TCF20: variants seen among roughly 807,000 people sequenced by gnomAD.
TCF20 encodes SPRE-binding protein.
In TCF20, 3 loss-of-function variants were observed where a neutral mutation model predicts 148.6. The observed-to-expected ratio is 0.02, with a 90% CI of 0.01 to 0.05. TCF20 has a LOEUF of 0.05. TCF20 is among the 10% of genes least tolerant of loss of function. The pLI is 1.00. For missense variants in TCF20, 2,350 were observed against 2,429.3 expected, an observed-to-expected ratio of 0.97 and a Z score of 0.69; for synonymous variants, 1,049 against 909.5, an observed-to-expected ratio of 1.15 and a Z score of -2.76.
chr22:42,222,030 G>A (rs1301983219), intron 1 of TCF20, among the ~76,000 whole-genome samples: 4 of 151,996 alleles, frequency 2.6e-5, no homozygotes, highest in African/African-American at 7.3e-5. Flanking sequence ...GAGCCACCGC[G>A]CCCGGCCCCA....
intron 1 of TCF20, among the ~76,000 whole-genome samples, chr22:42,330,041 A>T (rs987934770): frequency 6.6e-6 from 1 of 152,140 alleles, no homozygotes; most frequent in Non-Finnish European, 1.5e-5. Flanking sequence ...ATCAGGCAAG[A>T]GCTTAAGGCC....
At chr22:42,168,096 T>C (rs999289758) in intron 5 of TCF20, among the ~76,000 whole-genome samples, 1 of 152,118 alleles carries the variant, frequency 6.6e-6, no homozygotes, top group Non-Finnish European at 1.5e-5. Flanking sequence ...TTTTCTTTCC[T>C]TTGTACTTCT....
upstream of TCF20, among the ~76,000 whole-genome samples, chr22:42,273,360 C>CAAAAAAAAAAAAAAAAAAAAAA: frequency 1.6e-5 from 1 of 61,266 alleles, no homozygotes; most frequent in Non-Finnish European, 2.9e-5. Context: ...AACTCCGTCT[C>CAAAAAAAAAAAAAAAAAAAAAA]AAAAAAAAAA....
intron 1 of TCF20, among the ~76,000 whole-genome samples, chr22:42,258,267 C>A (rs1194277985): frequency 3.3e-5 from 5 of 151,924 alleles, no homozygotes; most frequent in Admixed American, 6.6e-5. Context: ...TCCATACCTC[C>A]CCCCCCTTCC....
chr22:42,188,376 A>G (rs569328918), intron 2 of TCF20, among the ~76,000 whole-genome samples: 2 of 151,390 alleles, frequency 1.3e-5, no homozygotes, highest in Non-Finnish European at 2.9e-5. Context: ...CAATAATGTG[A>G]AGGTAACCCT....
chr22:42,175,630 T>A (rs969018622), intron 3 of TCF20, among the ~76,000 whole-genome samples: 2 of 151,462 alleles, frequency 1.3e-5, no homozygotes, highest in Non-Finnish European at 2.9e-5. Context: ...TGAGCCACCG[T>A]GCCTGGCCCA....
intron 1 of TCF20, among the ~76,000 whole-genome samples, chr22:42,310,461 C>T (rs1381305506): frequency 6.6e-6 from 1 of 151,474 alleles, no homozygotes; most frequent in Non-Finnish European, 1.5e-5. Context: ...GTAAGTGGTG[C>T]TAAGAGACTG....
At chr22:42,199,266 C>T (rs187356618) in intron 2 of TCF20, among the ~76,000 whole-genome samples, 1 of 152,236 alleles carries the variant, frequency 6.6e-6, no homozygotes. Context: ...CTCATCTAAA[C>T]CCTGTGGCCA....
intron 1 of TCF20, among the ~76,000 whole-genome samples, chr22:42,242,734 A>G (rs1305954970): frequency 6.6e-6 from 1 of 152,006 alleles, no homozygotes; most frequent in South Asian, 2.1e-4. Flanking sequence ...TAAAAATACA[A>G]AACTTGGCCA....
At chr22:42,318,573 G>A (rs749731407) in intron 1 of TCF20, among the ~76,000 whole-genome samples, 10 of 152,222 alleles carry the variant, frequency 6.6e-5, no homozygotes, top group South Asian at 4.1e-4. Context: ...GAGCAGGCCC[G>A]GGCCAGGCAG....
upstream of TCF20, among the ~76,000 whole-genome samples, chr22:42,272,408 T>C (rs1926656503): frequency 6.6e-6 from 1 of 152,236 alleles, no homozygotes; most frequent in Non-Finnish European, 1.5e-5. Context: ...TGAAGAAAGA[T>C]GAATCCTTTT....
At chr22:42,313,527 T>C (rs982305540) in intron 1 of TCF20, among the ~76,000 whole-genome samples, 8 of 151,740 alleles carry the variant, frequency 5.3e-5, no homozygotes, top group African/African-American at 1.9e-4. Context: ...TGGATACCTC[T>C]GGGGTTCTGT....
intron 1 of TCF20, among the ~76,000 whole-genome samples, chr22:42,289,387 T>C (rs1430015976): frequency 6.6e-6 from 1 of 152,218 alleles, no homozygotes; most frequent in Non-Finnish European, 1.5e-5. Flanking sequence ...TGGTGGCTGC[T>C]GAACTCAGGT....
Position 42,290,784 on chromosome 22 carries a change from A to G in TCF20, c.-37+52695T>C, listed in dbSNP as rs1927118961. Among the ~76,000 whole-genome samples, 1 of 152,194 alleles carries G rather than the reference A, an allele frequency of 6.6e-6. No homozygotes were observed. The highest frequency in any genetic ancestry group is 2.4e-5 in the African/African-American group (1 of 41,448). Reference sequence around the variant, plus strand: ...AAGGACAATTCAAGGCAATTCAAGGACGAGGTCAGCCTCCCAGAGCACACA... The same window carrying G: ...AAGGACAATTCAAGGCAATTCAAGGGCGAGGTCAGCCTCCCAGAGCACACA... On this transcript the variant is annotated intron_variant, in intron 1 of 1. Coordinates refer to the TCF20 transcript ENST00000515426. The surrounding 1 kb of genome is among the most constrained non-coding windows in gnomAD (Gnocchi z 4.2).
intron 1 of TCF20, among the ~76,000 whole-genome samples, chr22:42,262,103 G>C (rs892530067): frequency 6.6e-6 from 1 of 152,222 alleles, no homozygotes; most frequent in Non-Finnish European, 1.5e-5. Context: ...GAGGCAGGCA[G>C]AAGCCAGATT....
intron 1 of TCF20, among the ~76,000 whole-genome samples, chr22:42,248,853 C>T (rs1244780948): frequency 6.6e-6 from 1 of 152,168 alleles, no homozygotes; most frequent in Non-Finnish European, 1.5e-5. Flanking sequence ...AAGGAGATGC[C>T]TATGGGTACC....
At chr22:42,169,668 C>T (rs543990727) in intron 4 of TCF20, among the ~76,000 whole-genome samples, 179 bp downstream of exon 4, 1 of 152,160 alleles carries the variant, frequency 6.6e-6, no homozygotes. Flanking sequence ...CCCCATGCCA[C>T]GGGTCTCCCT....
chr22:42,291,118 T>C (rs922224344), intron 1 of TCF20, among the ~76,000 whole-genome samples: 1 of 152,106 alleles, frequency 6.6e-6, no homozygotes, highest in Non-Finnish European at 1.5e-5. Flanking sequence ...TGGGACTCCA[T>C]CTCCTCTTCT....
intron 1 of TCF20, among the ~76,000 whole-genome samples, chr22:42,324,016 GTGGTGGTGGTGGTGATGGAGGTTA>G (rs1569209810): frequency 1.1e-4 from 14 of 131,840 alleles, no homozygotes; most frequent in African/African-American, 1.7e-4. Context: ...GGAGGTTATG[GTGGTGGTGGTGGTGATGGAGGTTA>G]TGGTGGTGGT....
Sources: allele counts gnomAD v4.1 joint callset (sites outside exome capture counted in the v4.1 genomes callset), GRCh38; gene constraint gnomAD v4.1.1; non-coding constraint Gnocchi (gnomAD v3.1); transcripts MANE v1.5; gene names NCBI Gene and HGNC (gene_info 2026-07-23, HGNC 2026-07-21).